The following MIER2 variants were observed in gnomAD, a reference collection of about 807,000 sequenced individuals.
The protein encoded by MIER2 is MIER family member 2.
In MIER2, 30 loss-of-function variants were observed where a neutral mutation model predicts 67.6. The observed-to-expected ratio is 0.44, with a 90% CI of 0.33 to 0.60. The LOEUF is 0.60. Ranked by LOEUF, MIER2 falls within the 20% of genes least tolerant of loss-of-function variation. The pLI, the probability that MIER2 is intolerant of heterozygous loss-of-function variation, is 0.02. For missense variants in MIER2, 702 were observed against 745.1 expected, an observed-to-expected ratio of 0.94 and a Z score of 0.67; for synonymous variants, 372 against 312.6, an observed-to-expected ratio of 1.19 and a Z score of -2.00.
rs375043921 is a variant in MIER2, at chr19:334,410, A to T, written c.233T>A (p.Phe78Tyr). 5.6e-6 allele frequency: 9 copies of T among 1,614,048 alleles called. No individual in the cohort carries two copies. The highest frequency in any genetic ancestry group is 5.9e-6 in the Non-Finnish European group (7 of 1,180,024). The change falls in exon 3 of 14, where the codon TTC becomes TAC. Residue 78 changes from phenylalanine (F) to tyrosine (Y), a missense_variant. Physicochemically the swap from Phe to Tyr is conservative, Grantham distance 22. Around this residue, in one of 3 missense-constraint regions of MIER2, gnomAD observed 320 missense variants for 292.6 expected, o/e 1.09. Transcript: ENST00000264819. The part of the protein sequence containing the change: ...DKPKEELEKD[F>Y]ISQSNDMPFD... Reference sequence around the variant, plus strand: ...ACCTTGGCCAAGTACCTGGGAGATGAAGTCCTTCTCCAGCTCCTCCTTGGG... The same window carrying T: ...ACCTTGGCCAAGTACCTGGGAGATGTAGTCCTTCTCCAGCTCCTCCTTGGG...
chr19:315,622 C>T (rs1041998468), intron 7 of MIER2, among the ~76,000 whole-genome samples: 1 of 152,166 alleles, frequency 6.6e-6, no homozygotes, highest in African/African-American at 2.4e-5. Context: ...CAGCACAAAA[C>T]ACAATTAGTG....
chr19:317,770 C>T (rs1017398021), intron 7 of MIER2, among the ~76,000 whole-genome samples: 1 of 147,162 alleles, frequency 6.8e-6, no homozygotes, highest in African/African-American at 2.5e-5. Context: ...AAACAAAGAA[C>T]AGATGGAACA....
At chr19:336,361 C>T (rs767511795) in intron 1 of MIER2, among the ~76,000 whole-genome samples, 188 bp from the exon 2 acceptor site, 1 of 152,250 alleles carries the variant, frequency 6.6e-6, no homozygotes, top group Non-Finnish European at 1.5e-5. Flanking sequence ...CCACTCGCCC[C>T]GCCTCCCACC....
At chr19:326,628 G>C in intron 5 of MIER2, 30 bp from the exon 6 acceptor site, 1 of 1,561,964 alleles carries the variant, frequency 6.4e-7, no homozygotes, top group Non-Finnish European at 8.8e-7. Flanking sequence ...GGTCCCCCAG[G>C]GTCTCCACTG....
chr19:323,316 A>C (rs1187951665), intron 7 of MIER2, among the ~76,000 whole-genome samples: 1 of 136,236 alleles, frequency 7.3e-6, no homozygotes, highest in Non-Finnish European at 1.6e-5. Context: ...TACACAAGAC[A>C]CATACAACCA....
intron 3 of MIER2, among the ~76,000 whole-genome samples, chr19:329,412 TC>T (rs1207686030): frequency 6.6e-6 from 1 of 152,192 alleles, no homozygotes; most frequent in Non-Finnish European, 1.5e-5. Flanking sequence ...GAAGACCCTT[TC>T]CTAAGAGCAC....
intron 1 of MIER2, among the ~76,000 whole-genome samples, chr19:342,124 C>A (rs1471929559): frequency 6.6e-6 from 1 of 152,198 alleles, no homozygotes; most frequent in Non-Finnish European, 1.5e-5. Context: ...TCCTCCCACC[C>A]ACACCAACTC....
At chr19:336,496 A>G (rs536562501) in intron 1 of MIER2, among the ~76,000 whole-genome samples, 2 of 152,314 alleles carry the variant, frequency 1.3e-5, no homozygotes, top group South Asian at 4.1e-4. Context: ...AAGCTCAACA[A>G]CAGCATGCAC....
At chr19:337,799 G>A (rs1053891386) in intron 1 of MIER2, among the ~76,000 whole-genome samples, 3 of 150,168 alleles carry the variant, frequency 2.0e-5, no homozygotes, top group African/African-American at 7.4e-5. Context: ...AACCAGGGAG[G>A]CGGAGGCTGC....
chr19:325,825 C>T, intron 6 of MIER2, 121 bp from the exon 7 acceptor site: 1 of 1,053,750 alleles, frequency 9.5e-7, no homozygotes. Context: ...CCAGACCCAT[C>T]TGTGCCGTCT....
At chr19:332,488 G>A (rs1480231524) in intron 3 of MIER2, among the ~76,000 whole-genome samples, 1 of 151,178 alleles carries the variant, frequency 6.6e-6, no homozygotes, top group Admixed American at 6.6e-5. Flanking sequence ...TTTTAGTAGA[G>A]ACGGGGTTTC....
At chr19:344,258 G>A in intron 1 of MIER2, 2 of 985,342 alleles carry the variant, frequency 2.0e-6, no homozygotes, top group Non-Finnish European at 2.4e-6. Flanking sequence ...CCCGGGGTCT[G>A]ACCCAGCCCC....
At chr19:310,541 G>A (rs376432856) in intron 10 of MIER2, among the ~76,000 whole-genome samples, 8 of 35,840 alleles carry the variant, frequency 2.2e-4, no homozygotes, top group African/African-American at 2.1e-3. Flanking sequence ...AACACGGCCC[G>A]GAGCTGCAGA....
In MIER2 at chr19:326,555, G is replaced by A. The variant is rs767843744; in HGVS notation, c.537C>T (p.Ala179=). 4 of 1,614,142 alleles carry A rather than the reference G, an allele frequency of 2.5e-6. No individual in the cohort carries two copies. Among genetic ancestry groups the A allele is most frequent in the Admixed American group, 3.3e-5 (2 of 60,016 alleles). ...ADEDREPGSS[A]SSDTEEDSLP... is the part of the protein sequence containing the mutation. ...GAGAGTCCTCCTCGGTGTCGGAGGA[G>A]GCAGAAGAGCCAGGCTCTCTGTCTT... The change falls in exon 6 of 14, where the codon GCC becomes GCT. Residue 179 remains alanine, a synonymous_variant. Coordinates refer to ENST00000264819, the MANE Select transcript of MIER2 (RefSeq NM_017550.3).
intron 3 of MIER2, chr19:330,139 CA>C (rs376152450): frequency 2.8e-4 from 42 of 152,248 alleles, no homozygotes; most frequent in African/African-American, 1.0e-3. Flanking sequence ...GTATGCAAGC[CA>C]GGGGGGCTGT....
Position 321,443 on chromosome 19 carries a change from G to A in MIER2, c.655+4192C>T, listed in dbSNP as rs372298876. ...GCGGATCACCTGAGGTTGGGAGTTCGAGATCAGCTTGGCCAACATGGTGAA... is the reference window on the plus strand; with the variant it reads ...GCGGATCACCTGAGGTTGGGAGTTCAAGATCAGCTTGGCCAACATGGTGAA... On this transcript the variant is annotated intron_variant, in intron 7 of 13. Transcript: ENST00000264819. Among the ~76,000 whole-genome samples, 5 of 152,118 alleles carry A rather than the reference G, an allele frequency of 3.3e-5. No individual in the cohort carries two copies. In the South Asian group the frequency reaches 6.2e-4, roughly 19 times the overall value.
At position 306,567 on chromosome 19, in the gene MIER2, A is replaced by G; in HGVS notation, c.*123T>C. Reference sequence around the variant, plus strand: ...TCACCCCAGTCCTGACGTGTTCTGAAGCAGAAGGAGGTGCTACCCCAAGGC... The same window carrying G: ...TCACCCCAGTCCTGACGTGTTCTGAGGCAGAAGGAGGTGCTACCCCAAGGC... On this transcript the variant is annotated 3_prime_UTR_variant, in exon 14 of 14. Transcript: ENST00000264819. 1.5e-6 allele frequency: 2 copies of G among 1,308,746 alleles called. No individual in the cohort carries two copies. Among genetic ancestry groups the G allele is most frequent in the South Asian group, 1.3e-5 (1 of 75,388 alleles). The allele number at this position is 1,308,746 out of a possible 1,614,324, so 81.1% of individuals were successfully genotyped here.
At chr19:333,690 C>T (rs568662488) in intron 3 of MIER2, among the ~76,000 whole-genome samples, 41 of 100,348 alleles carry the variant, frequency 4.1e-4, no homozygotes, top group Non-Finnish European at 5.9e-4. Context: ...ATTTTGTATT[C>T]TTTTTTTTCT....
At chr19:329,536 C>T (rs1971925016) in intron 3 of MIER2, among the ~76,000 whole-genome samples, 3 of 152,202 alleles carry the variant, frequency 2.0e-5, no homozygotes, top group Admixed American at 1.3e-4. Context: ...TCCCTGCCCA[C>T]AAGTCACTGC....
Sources: allele counts gnomAD v4.1 joint callset (sites outside exome capture counted in the v4.1 genomes callset), GRCh38; gene constraint gnomAD v4.1.1; regional missense constraint gnomAD v4.1.1; transcripts MANE v1.5; gene names NCBI Gene and HGNC (gene_info 2026-07-23, HGNC 2026-07-21).